The following SASH1 variants were observed in gnomAD, a reference collection of about 807,000 sequenced individuals.
SASH1 encodes the protein SAM and SH3 domain containing 1, also known as SAM and SH3 domain-containing protein 1.
A neutral mutation model predicts 125.2 loss-of-function variants in SASH1; 44 were observed. The ratio of observed to expected loss-of-function variants is 0.35; its 90% CI spans 0.28 to 0.45. The LOEUF is 0.45. Ranked by LOEUF, SASH1 falls within the 20% of genes least tolerant of loss-of-function variation. The probability of loss-of-function intolerance (pLI) is 1.00; values close to 1 mark genes in which losing one functional copy is unlikely to be tolerated. For synonymous variants in SASH1, 639 were observed against 649.1 expected, an observed-to-expected ratio of 0.98 and a Z score of 0.24; for missense variants, 1,426 against 1,614.5, an observed-to-expected ratio of 0.88 and a Z score of 2.00.
chr6:148,537,010 A>T (rs1781884735), intron 16 of SASH1, among the ~76,000 whole-genome samples: 1 of 152,218 alleles, frequency 6.6e-6, no homozygotes, highest in Admixed American at 6.5e-5. Context: ...CATTAGTGCC[A>T]AGAGTCAGGG....
In SASH1 at chr6:148,548,608, AT is replaced by A; in HGVS notation, c.*51del. 6.6e-7 allele frequency: 1 copy of A among 1,523,342 alleles called. No individual in the cohort carries two copies. The highest frequency in any genetic ancestry group is 8.8e-7 in the Non-Finnish European group (1 of 1,136,870). The allele number at this position is 1,523,342 out of a possible 1,614,324, so 94.4% of individuals were successfully genotyped here. ...GACAAGAGCCACCCTTTCACTGTGC[AT>A]ATGATGCTGATGCAATTCCTCCATC... On this transcript the variant is annotated 3_prime_UTR_variant, in exon 20 of 20. Coordinates refer to ENST00000367467, the MANE Select transcript of SASH1 (RefSeq NM_015278.5).
intron 2 of SASH1, among the ~76,000 whole-genome samples, chr6:148,394,994 GC>G (rs1157504538): frequency 6.6e-6 from 1 of 152,170 alleles, no homozygotes. Flanking sequence ...GTGCGAGATG[GC>G]TTTGAGATGA....
chr6:148,527,269 A>G (rs1203345727), intron 11 of SASH1, 184 bp from the exon 12 acceptor site: 3 of 520,798 alleles, frequency 5.8e-6, no homozygotes, highest in Admixed American at 8.6e-5. Context: ...GCAAACAAAA[A>G]TAGTCAATAA....
At chr6:148,262,782 C>T in the SASH1 span, among the ~76,000 whole-genome samples, 2 of 152,174 alleles carry the variant, frequency 1.3e-5, no homozygotes, top group African/African-American at 4.8e-5. Flanking sequence ...ACTTGAGAGG[C>T]TGAGACAGGA....
upstream of SASH1, among the ~76,000 whole-genome samples, chr6:148,339,802 C>T (rs988753651): frequency 9.2e-5 from 14 of 152,178 alleles, no homozygotes; most frequent in Non-Finnish European, 1.6e-4. Flanking sequence ...GCCTCAGTCT[C>T]CCAAAGTGCT....
At chr6:148,210,833 A>C in the SASH1 span, among the ~76,000 whole-genome samples, 1 of 152,174 alleles carries the variant, frequency 6.6e-6, no homozygotes. Context: ...AAAGGTATAG[A>C]ATTGTAGTAG....
At chr6:148,293,117 G>C (rs1329237635) in intron 1 of SASH1, among the ~76,000 whole-genome samples, 1 of 151,724 alleles carries the variant, frequency 6.6e-6, no homozygotes, top group African/African-American at 2.4e-5. Flanking sequence ...GATCTACCAT[G>C]ATCTGTAATA....
chr6:148,408,705 C>A (rs536788568), intron 2 of SASH1, among the ~76,000 whole-genome samples: 6 of 152,196 alleles, frequency 3.9e-5, no homozygotes, highest in Admixed American at 2.0e-4. Flanking sequence ...CTTTTGTTGC[C>A]TGTGCTTTTG....
chr6:148,464,764 G>C (rs957983931), intron 4 of SASH1, among the ~76,000 whole-genome samples: 3 of 152,122 alleles, frequency 2.0e-5, no homozygotes, highest in Admixed American at 6.5e-5. Flanking sequence ...ATTGAATTTG[G>C]ATTCAACGTA....
At chr6:148,395,697 G>A (rs1410568132) in intron 2 of SASH1, among the ~76,000 whole-genome samples, 1 of 152,184 alleles carries the variant, frequency 6.6e-6, no homozygotes, top group African/African-American at 2.4e-5. Context: ...CAGCAGGGAA[G>A]TTGCCCATAT....
chr6:148,390,563 G>T (rs1309352766), intron 2 of SASH1, among the ~76,000 whole-genome samples: 1 of 152,182 alleles, frequency 6.6e-6, no homozygotes, highest in East Asian at 1.9e-4. Flanking sequence ...CAGGCGGGCG[G>T]ATCACGAGGT....
chr6:148,446,103 T>TCTTTTTTTTTCTTTTTTTTC (rs1776762276), intron 4 of SASH1, among the ~76,000 whole-genome samples: 1 of 20,688 alleles, frequency 4.8e-5, no homozygotes, highest in Non-Finnish European at 9.8e-5. Context: ...TTTTTTTTTT[T>TCTTTTTTTTTCTTTTTTTTC]TTTTTTTTTT....
chr6:148,460,521 G>A (rs530307015), intron 4 of SASH1, among the ~76,000 whole-genome samples: 69 of 152,208 alleles, frequency 4.5e-4, no homozygotes, highest in Admixed American at 7.9e-4. Context: ...CATTTCTTTC[G>A]GAGAGTTAAT....
the SASH1 span, among the ~76,000 whole-genome samples, chr6:148,247,347 T>C: frequency 2.0e-5 from 3 of 152,088 alleles, no homozygotes; most frequent in African/African-American, 7.2e-5. Context: ...ATAGAAGAAA[T>C]TAAGGTTCGA....
chr6:148,217,241 G>T, the SASH1 span, among the ~76,000 whole-genome samples: 10 of 152,182 alleles, frequency 6.6e-5, no homozygotes, highest in Non-Finnish European at 1.5e-4. Context: ...GACTGGCTGT[G>T]CCACCTTGGG....
intron 1 of SASH1, among the ~76,000 whole-genome samples, chr6:148,322,925 C>CTT (rs1780684569): frequency 9.4e-6 from 1 of 106,010 alleles, no homozygotes; most frequent in African/African-American, 3.4e-5. Context: ...TTTTTTCTTT[C>CTT]TCTCTTTCTT....
rs183093712 is a variant in SASH1, at chr6:148,405,666, G to A, written c.285+15404G>A. Among the ~76,000 whole-genome samples, 467 of 151,986 alleles carry A rather than the reference G, an allele frequency of 3.1e-3. 1 individual carries two copies. The highest frequency in any genetic ancestry group is 4.8e-3 in the Non-Finnish European group (328 of 67,968). On this transcript the variant is annotated intron_variant, in intron 2 of 19. Transcript: ENST00000367467. Reference sequence around the variant, plus strand: ...CTTCTGGGTCCTCACTGCCTCTACCGCCCAGATGAAAATGGCCACTAGTAA... The same window carrying A: ...CTTCTGGGTCCTCACTGCCTCTACCACCCAGATGAAAATGGCCACTAGTAA...
intron 8 of SASH1, chr6:148,513,639 G>C: frequency 2.0e-6 from 2 of 985,684 alleles, no homozygotes; most frequent in Non-Finnish European, 2.4e-6. Flanking sequence ...GCAATGGGCT[G>C]CTGGGGAATA....
At chr6:148,354,795 C>T (rs1008934422) in intron 1 of SASH1, among the ~76,000 whole-genome samples, 2 of 152,154 alleles carry the variant, frequency 1.3e-5, no homozygotes, top group Non-Finnish European at 2.9e-5. Context: ...TGGAGTCTTG[C>T]TCTGTCACCC....
Sources: gnomAD v4.1 joint callset for allele counts (sites outside exome capture counted in the v4.1 genomes callset) on GRCh38, gnomAD v4.1.1 for gene constraint, MANE v1.5 for transcripts, NCBI Gene and HGNC (gene_info 2026-07-23, HGNC 2026-07-21) for gene names.